HDAC11: variants seen among roughly 807,000 people sequenced by gnomAD.
The protein encoded by HDAC11 is histone deacetylase 11.
HDAC11 carries 23 observed loss-of-function variants against 41.1 expected under a neutral mutation model. The observed-to-expected ratio is 0.56, with a 90% CI of 0.40 to 0.79. The LOEUF is 0.79. HDAC11 is among the 30% of genes least tolerant of loss of function. The pLI, the probability that HDAC11 is intolerant of heterozygous loss-of-function variation, is 0.00. For synonymous variants in HDAC11, 187 were observed against 186.6 expected (o/e 1.00, Z -0.02); for missense variants, 402 against 477.3 (o/e 0.84, Z 1.47).
chr3:13,504,414 C>T, intron 9 of HDAC11, 54 bp from the exon 10 acceptor site: 1 of 1,603,478 alleles, frequency 6.2e-7, no homozygotes, highest in Non-Finnish European at 8.5e-7. Context: ...AGCAGGACTT[C>T]CTGACACCAT....
intron 6 of HDAC11, chr3:13,501,616 C>A: frequency 1.4e-6 from 1 of 693,500 alleles, no homozygotes; most frequent in Admixed American, 2.0e-5. Flanking sequence ...ACCTCCTGAC[C>A]TATGACCCTT....
Position 13,498,592 on chromosome 3 carries a change from G to A in HDAC11, c.412+37G>A, listed in dbSNP as rs200617254. The A allele has an allele frequency of 1.4e-5, 23 of 1,609,976 alleles. No individual in the cohort carries two copies. The East Asian group carries it at 2.2e-4, about 16-fold the overall frequency. On this transcript the variant is annotated intron_variant, in intron 5 of 9. Transcript: ENST00000295757. ...GAATGTCCTCGGGAATGTCCAGCCC[G>A]GCTTGGTGGAACTGGCCTGAAAGGG...
At position 13,503,781 on chromosome 3, in the gene HDAC11, G is replaced by A. The variant is rs532229756; in HGVS notation, c.650-313G>A. On this transcript the variant is annotated intron_variant, in intron 8 of 9. Coordinates refer to ENST00000295757, the MANE Select transcript of HDAC11 (RefSeq NM_024827.4). Reference sequence around the variant, plus strand: ...TTCTGAACAGAACCTCACATGTGCTGAGCCTGGGCTTAAGGGCAGGGCAGG... The same window carrying A: ...TTCTGAACAGAACCTCACATGTGCTAAGCCTGGGCTTAAGGGCAGGGCAGG... Among the ~76,000 whole-genome samples the A allele has an allele frequency of 5.9e-5, 9 of 152,150 alleles. No individual in the cohort carries two copies. In the East Asian group the frequency reaches 1.7e-3, roughly 29 times the overall value.
At chr3:13,495,461 G>C (rs1022828687) in intron 3 of HDAC11, among the ~76,000 whole-genome samples, 1 of 151,872 alleles carries the variant, frequency 6.6e-6, no homozygotes, top group Non-Finnish European at 1.5e-5. Context: ...CCCCAGACCC[G>C]ACACCTGGGC....
Position 13,480,438 on chromosome 3 carries a change from G to A in HDAC11, c.2+89G>A, listed in dbSNP as rs1478022923. ...GGCGAGGGCGGGGACGGCCGGGCGG[G>A]CGCGCCAGGTAAGGGCCCAGATTTG... On this transcript the variant is annotated intron_variant, in intron 1 of 9. Coordinates refer to ENST00000295757, the MANE Select transcript of HDAC11 (RefSeq NM_024827.4). The surrounding 1 kb of genome is among the most constrained non-coding windows in gnomAD (Gnocchi z 4.6). The A allele has an allele frequency of 1.1e-5, 9 of 850,906 alleles. No homozygotes were observed. Among genetic ancestry groups the A allele is most frequent in the Non-Finnish European group, 1.4e-5 (9 of 653,038 alleles). The allele number at this position is 850,906 out of a possible 1,614,324, so 52.7% of individuals were successfully genotyped here. A position where few individuals can be genotyped will look rare whatever the true frequency, so the allele number is the denominator to read the frequency against.
intron 2 of HDAC11, among the ~76,000 whole-genome samples, 185 bp from the exon 3 acceptor site, chr3:13,483,279 G>T (rs1170892837): frequency 6.6e-6 from 1 of 152,068 alleles, no homozygotes; most frequent in Non-Finnish European, 1.5e-5. Context: ...TGGCCAGAGG[G>T]ACTGGCCACT....
chr3:13,490,774 CAG>C (rs1259100463), intron 3 of HDAC11, among the ~76,000 whole-genome samples: 11 of 89,518 alleles, frequency 1.2e-4, no homozygotes, highest in African/African-American at 4.0e-4. Context: ...TTTTTTTAGA[CAG>C]AGTCTCTCTC....
At chr3:13,498,670 T>G (rs1402786069) in intron 5 of HDAC11, 115 bp downstream of exon 5, 1 of 1,185,488 alleles carries the variant, frequency 8.4e-7, no homozygotes, top group Admixed American at 2.0e-5. Context: ...ATTCAGAAGC[T>G]CTGGTTTTCC....
chr3:13,494,071 C>T (rs951520770), intron 3 of HDAC11, among the ~76,000 whole-genome samples: 11 of 152,224 alleles, frequency 7.2e-5, no homozygotes, highest in Non-Finnish European at 1.5e-4. Context: ...AGGAGGCAGG[C>T]GGCATAAGCC....
rs1165904165 is a variant in HDAC11, at chr3:13,504,003, C to T, written c.650-91C>T. 8 of 1,213,664 alleles carry T rather than the reference C, an allele frequency of 6.6e-6. No homozygotes were observed. In the Admixed American group the frequency reaches 1.0e-4, roughly 16 times the overall value. 75.2% of individuals were successfully genotyped at this position (1,213,664 alleles called of 1,614,324 possible). On this transcript the variant is annotated intron_variant, in intron 8 of 9. Coordinates refer to ENST00000295757, the MANE Select transcript of HDAC11 (RefSeq NM_024827.4). ...CTGAGCAGTGCTGAATCTGACAGAC[C>T]AGTTTCCAGTCTTGCCTGGTGTCCA...
chr3:13,506,331 G>A lies in HDAC11; in HGVS notation c.*1648G>A, dbSNP rs986936149. On this transcript the variant is annotated 3_prime_UTR_variant, in exon 10 of 10. Transcript: ENST00000295757. ...GAGGCAAAGAATCCCTACCTCCTAG[G>A]GGTGAAAGGAAATGAAAATGGAAAG... is the stretch of plus-strand genomic sequence containing the variant. 5.3e-5 allele frequency: 8 copies of A among 152,278 alleles called. No individual in the cohort carries two copies. The highest frequency in any genetic ancestry group is 1.9e-4 in the African/African-American group (8 of 41,434). 9.4% of individuals were successfully genotyped at this position (152,278 alleles called of 1,614,324 possible).
intron 8 of HDAC11, chr3:13,503,186 A>C: frequency 2.6e-6 from 1 of 388,308 alleles, no homozygotes. Flanking sequence ...CCTTACAATA[A>C]ACATGCATTT....
chr3:13,486,569 GT>G lies in HDAC11; in HGVS notation c.252+3006del, dbSNP rs1394819327. Among the ~76,000 whole-genome samples the G allele has an allele frequency of 5.2e-3, 645 of 123,534 alleles. 1 individual carries two copies. The highest frequency in any genetic ancestry group is 0.023 in the African/African-American group (612 of 26,824). 81.0% of individuals were successfully genotyped at this position (123,534 alleles called of 152,430 possible). ...AGGAGCAGGTGATACTCATGTAGAG[GT>G]GTTTTTTTTTTTTTTTTTTTTTTTT... On this transcript the variant is annotated intron_variant, in intron 3 of 9. Transcript: ENST00000295757.
chr3:13,483,629 AGAG>A, intron 3 of HDAC11, 65 bp downstream of exon 3: 1 of 1,332,602 alleles, frequency 7.5e-7, no homozygotes, highest in Non-Finnish European at 1.1e-6. Context: ...AGGAGTGGCC[AGAG>A]GCAGGAGGTG....
At chr3:13,493,700 A>G (rs1177835240) in intron 3 of HDAC11, among the ~76,000 whole-genome samples, 1 of 152,160 alleles carries the variant, frequency 6.6e-6, no homozygotes, top group Non-Finnish European at 1.5e-5. Context: ...CCTCCTCTTC[A>G]CTGCCCGAAG....
chr3:13,483,268 C>T (rs1239085972), intron 2 of HDAC11, among the ~76,000 whole-genome samples, 196 bp from the exon 3 acceptor site: 1 of 152,108 alleles, frequency 6.6e-6, no homozygotes, highest in Non-Finnish European at 1.5e-5. Context: ...TCATTGCTCC[C>T]TGGCCAGAGG....
At chr3:13,496,682 G>T (rs1473161624) in intron 3 of HDAC11, 54 bp from the exon 4 acceptor site, 3 of 1,185,624 alleles carry the variant, frequency 2.5e-6, no homozygotes, top group Admixed American at 2.0e-5. Context: ...AATTTCTCAC[G>T]GGTTGCCTCA....
chr3:13,505,450 C>A lies in HDAC11; in HGVS notation c.*767C>A. The A allele has an allele frequency of 6.5e-6, 1 of 153,208 alleles. No individual in the cohort carries two copies. The highest frequency in any genetic ancestry group is 1.5e-5 in the Non-Finnish European group (1 of 68,766). 9.5% of individuals were successfully genotyped at this position (153,208 alleles called of 1,614,324 possible). A position where few individuals can be genotyped will look rare whatever the true frequency, so the allele number is the denominator to read the frequency against. On this transcript the variant is annotated 3_prime_UTR_variant, in exon 10 of 10. Coordinates refer to ENST00000295757, the MANE Select transcript of HDAC11 (RefSeq NM_024827.4). ...GGGGCAGGTTTTGGGGGGAGGAATT[C>A]TTAGCGCAAGGACGGGCCTCAGCCC...
rs777049709 is a variant in HDAC11 at position 13,503,166 on chromosome 3, A to G, written c.649+186A>G. On this transcript the variant is annotated intron_variant, in intron 8 of 9. Coordinates refer to ENST00000295757, the MANE Select transcript of HDAC11 (RefSeq NM_024827.4). ...GGAGAAGTCACTCGACCCACCCAAG[A>G]TCACATAACCCTTACAATAAACATG... is the stretch of plus-strand genomic sequence containing the variant. 3.8e-5 allele frequency: 19 copies of G among 499,610 alleles called. No homozygotes were observed. In the Middle Eastern group the frequency reaches 2.0e-3, roughly 54 times the overall value. 30.9% of individuals were successfully genotyped at this position (499,610 alleles called of 1,614,324 possible).
Sources: gnomAD v4.1 joint callset for allele counts (sites outside exome capture counted in the v4.1 genomes callset) on GRCh38, gnomAD v4.1.1 for gene constraint, Gnocchi (gnomAD v3.1) non-coding constraint, MANE v1.5 for transcripts, NCBI Gene and HGNC (gene_info 2026-07-23, HGNC 2026-07-21) for gene names.